WWTR1: variants seen among roughly 807,000 people sequenced by gnomAD.
The protein encoded by WWTR1 is WW domain-containing transcription regulator protein 1.
In WWTR1, 13 loss-of-function variants were observed where a neutral mutation model predicts 40.1. The ratio of observed to expected loss-of-function variants is 0.32; its 90% CI spans 0.21 to 0.52. The LOEUF is 0.52. Among genes scored for constraint, WWTR1 ranks in the 20% least tolerant of loss-of-function variants. The pLI, the probability that WWTR1 is intolerant of heterozygous loss-of-function variation, is 0.97. For synonymous variants in WWTR1, 230 were observed against 210.1 expected (o/e 1.09, Z -0.82); for missense variants, 436 against 523.1 (o/e 0.83, Z 1.63).
chr3:149,602,839 C>T (rs6785587), intron 2 of WWTR1, among the ~76,000 whole-genome samples: 14,418 of 151,996 alleles, frequency 0.095, 1,668 homozygotes, highest in African/African-American at 0.26. Context: ...TTTGTATTTA[C>T]AGTAGAGACG....
At chr3:149,670,094 A>G (rs1427268791) in intron 1 of WWTR1, among the ~76,000 whole-genome samples, 3 of 152,208 alleles carry the variant, frequency 2.0e-5, no homozygotes, top group Non-Finnish European at 4.4e-5. Flanking sequence ...CAGCTCTAGC[A>G]CCCAGCTGGG....
At chr3:149,554,435 C>T (rs1489312664) in intron 3 of WWTR1, among the ~76,000 whole-genome samples, 1 of 152,214 alleles carries the variant, frequency 6.6e-6, no homozygotes, top group Non-Finnish European at 1.5e-5. Context: ...TTCCTACTTG[C>T]TATCCTGCCT....
intron 4 of WWTR1, among the ~76,000 whole-genome samples, chr3:149,529,771 C>A (rs1735480752): frequency 6.6e-6 from 1 of 152,118 alleles, no homozygotes; most frequent in Non-Finnish European, 1.5e-5. Flanking sequence ...TGAGTCCCAC[C>A]AGTCCCCATC....
chr3:149,670,643 C>CAAAAAAAAAAAAAAAAAAAAAAA (rs5853435), intron 1 of WWTR1: 5 of 101,144 alleles, frequency 4.9e-5, no homozygotes, highest in African/African-American at 8.2e-5. Flanking sequence ...GACTCCGTCT[C>CAAAAAAAAAAAAAAAAAAAAAAA]AAAAAAAAAA....
At chr3:149,640,069 G>A (rs779616621) in intron 2 of WWTR1, among the ~76,000 whole-genome samples, 82 of 151,766 alleles carry the variant, frequency 5.4e-4, no homozygotes, top group Middle Eastern at 3.2e-3. Flanking sequence ...AACTACACAG[G>A]GGCACTAACA....
rs1215304464 is a variant in WWTR1, at chr3:149,651,549, A to G, written c.431+5327T>C. 2.0e-5 allele frequency among the ~76,000 whole-genome samples: 3 copies of G among 152,236 alleles called. No homozygotes were observed. In the East Asian group the frequency reaches 5.8e-4, roughly 29 times the overall value. On this transcript the variant is annotated intron_variant, in intron 2 of 6. Coordinates refer to ENST00000360632, the MANE Select transcript of WWTR1 (RefSeq NM_015472.6). ...AGATCATAATAATGGCAAATAATGC[A>G]TGAACACATTAAAAGGCAATCAGAA...
intron 2 of WWTR1, chr3:149,575,978 A>T: frequency 2.2e-6 from 1 of 456,734 alleles, no homozygotes; most frequent in Non-Finnish European, 4.4e-6. Flanking sequence ...CACCCAGCCA[A>T]CACATTTAAA....
chr3:149,641,822 T>C (rs1250777195), intron 2 of WWTR1, among the ~76,000 whole-genome samples: 4 of 152,258 alleles, frequency 2.6e-5, no homozygotes, highest in Non-Finnish European at 2.9e-5. Flanking sequence ...GTTTCCACTG[T>C]GTACCATACG....
intron 1 of WWTR1, among the ~76,000 whole-genome samples, chr3:149,673,856 G>A (rs1576635635): frequency 6.6e-6 from 1 of 152,020 alleles, no homozygotes; most frequent in Non-Finnish European, 1.5e-5. Context: ...GATTTTGGAG[G>A]TACCAAGGTA....
intron 2 of WWTR1, among the ~76,000 whole-genome samples, chr3:149,650,705 A>T (rs568761422): frequency 3.3e-5 from 5 of 152,298 alleles, no homozygotes; most frequent in South Asian, 4.1e-4. Context: ...GACAATCTAG[A>T]TTCCAAACAA....
At chr3:149,558,785 C>G (rs1396833242) in intron 3 of WWTR1, among the ~76,000 whole-genome samples, 1 of 152,120 alleles carries the variant, frequency 6.6e-6, no homozygotes, top group Non-Finnish European at 1.5e-5. Flanking sequence ...GTCCAGAACA[C>G]AAGGACCGAA....
chr3:149,603,432 T>C (rs1739339539), intron 2 of WWTR1, among the ~76,000 whole-genome samples: 1 of 152,152 alleles, frequency 6.6e-6, no homozygotes, highest in Non-Finnish European at 1.5e-5. Flanking sequence ...TAACCTCAAA[T>C]ACAAGGGGAA....
At chr3:149,661,808 C>A (rs1401567976), upstream of WWTR1, among the ~76,000 whole-genome samples, 2 of 148,432 alleles carry the variant, frequency 1.3e-5, no homozygotes, top group African/African-American at 5.0e-5. Context: ...TATCAGCTCA[C>A]CACAACCTCC....
chr3:149,595,539 T>G (rs1738959813), intron 2 of WWTR1, among the ~76,000 whole-genome samples: 1 of 152,150 alleles, frequency 6.6e-6, no homozygotes, highest in Admixed American at 6.5e-5. Flanking sequence ...ATATACCAAA[T>G]GTTAACAATT....
intron 1 of WWTR1, among the ~76,000 whole-genome samples, chr3:149,689,118 A>C (rs547322665): frequency 6.6e-6 from 1 of 152,286 alleles, no homozygotes; most frequent in East Asian, 1.9e-4. Flanking sequence ...GTGGTGGCTC[A>C]TGCCTATAAT....
chr3:149,694,462 C>T (rs183896899), intron 1 of WWTR1, among the ~76,000 whole-genome samples: 5 of 152,216 alleles, frequency 3.3e-5, no homozygotes, highest in Admixed American at 6.5e-5. Context: ...ATAGAAGATA[C>T]ATAACTCAAT....
At chr3:149,525,418 A>T (rs1735253341) in intron 6 of WWTR1, among the ~76,000 whole-genome samples, 1 of 152,074 alleles carries the variant, frequency 6.6e-6, no homozygotes, top group South Asian at 2.1e-4. Flanking sequence ...TGCAATTGTG[A>T]GGAAGGGACT....
At chr3:149,545,646 C>G (rs887765035) in intron 3 of WWTR1, among the ~76,000 whole-genome samples, 1 of 152,070 alleles carries the variant, frequency 6.6e-6, no homozygotes, top group African/African-American at 2.4e-5. Flanking sequence ...CTTAGCCTCC[C>G]GAGTAGCTAG....
At chr3:149,615,452 C>T (rs965976245) in intron 2 of WWTR1, among the ~76,000 whole-genome samples, 4 of 152,068 alleles carry the variant, frequency 2.6e-5, no homozygotes, top group South Asian at 4.2e-4. Flanking sequence ...AGAATGTGGA[C>T]GATTGCTGAA....
Sources: allele counts gnomAD v4.1 joint callset (sites outside exome capture counted in the v4.1 genomes callset), GRCh38; gene constraint gnomAD v4.1.1; transcripts MANE v1.5; gene names NCBI Gene and HGNC (gene_info 2026-07-23, HGNC 2026-07-21).